BCR: variants seen among roughly 807,000 people sequenced by gnomAD.
The protein encoded by BCR is BCR activator of RhoGEF and GTPase.
In BCR, 58 loss-of-function variants were observed where a neutral mutation model predicts 138.6. The observed-to-expected ratio is 0.42, with a 90% CI of 0.34 to 0.52. The LOEUF is 0.52. BCR is among the 20% of genes least tolerant of loss of function. BCR has a pLI of 0.06. For synonymous variants in BCR, 786 were observed against 730.1 expected, an observed-to-expected ratio of 1.08 and a Z score of -1.23; for missense variants, 1,599 against 1,727.2, an observed-to-expected ratio of 0.93 and a Z score of 1.32.
Position 23,287,263 on chromosome 22 carries a change from C to A in BCR, c.2511C>A (p.His837Gln). ...CTCCCAGCATGGCCTTCAGGGTGCA[C>A]AGCCGCAACGGCAAGGTGAGCGCCT... ...LMSPSMAFRVHSRNGKSYTFL... is the reference protein window; with the variant it reads ...LMSPSMAFRVQSRNGKSYTFL... Residue 837 changes from histidine (H) to glutamine (Q), a missense_variant, in exon 11 of 23, where the codon CAC becomes CAA. His to Gln is a conservative substitution (Grantham distance 24). Transcript: ENST00000305877. 6.4e-7 allele frequency: 1 copy of A among 1,551,390 alleles called. No individual in the cohort carries two copies.
intron 16 of BCR, among the ~76,000 whole-genome samples, chr22:23,297,204 G>GTTTT (rs1568979500): frequency 8.1e-6 from 1 of 124,154 alleles, no homozygotes; most frequent in African/African-American, 3.5e-5. Context: ...GCCTGGCTAA[G>GTTTT]TTGTTTTTTG....
chr22:23,314,585 C>T lies in BCR; in HGVS notation c.3597C>T (p.Ser1199=), dbSNP rs143761574. 25 of 1,611,892 alleles carry T rather than the reference C, an allele frequency of 1.6e-5. No individual in the cohort carries two copies. The African/African-American group carries it at 3.2e-4, about 21-fold the overall frequency. The change falls in exon 22 of 23, where the codon TCC becomes TCT. Residue 1199 remains serine (S), a synonymous_variant. Transcript: ENST00000305877. ...AGAAGGAGGCAGTCAATAAGATGTC[C>T]CTGCACAACCTCGCCACGGTCTTTG... ...VAEKEAVNKM[S]LHNLATVFGP...
chr22:23,220,740 A>G (rs1378066888), intron 1 of BCR, among the ~76,000 whole-genome samples: 2 of 152,170 alleles, frequency 1.3e-5, no homozygotes, highest in Admixed American at 1.3e-4. Context: ...CTGGACCCGC[A>G]TTCCCATCTG....
At chr22:23,212,071 C>T (rs1211475982) in intron 1 of BCR, among the ~76,000 whole-genome samples, 2 of 152,178 alleles carry the variant, frequency 1.3e-5, no homozygotes, top group Non-Finnish European at 2.9e-5. Context: ...TGGGAAACTG[C>T]ACTCTCTGAC....
intron 5 of BCR, among the ~76,000 whole-genome samples, chr22:23,270,587 C>T (rs1313919935): frequency 6.6e-6 from 1 of 152,214 alleles, no homozygotes; most frequent in Admixed American, 6.5e-5. Context: ...GTTAAACTCT[C>T]AGGAAAGGTA....
intron 1 of BCR, among the ~76,000 whole-genome samples, chr22:23,187,252 C>CT (rs887923539): frequency 1.3e-4 from 17 of 128,620 alleles, no homozygotes; most frequent in South Asian, 2.6e-4. Context: ...TTCTGAGGAT[C>CT]TTTTTTTTTT....
At chr22:23,283,640 C>G (rs1259606431) in intron 8 of BCR, 2 of 225,236 alleles carry the variant, frequency 8.9e-6, no homozygotes, top group Admixed American at 1.2e-4. Flanking sequence ...ATCTTCACAG[C>G]AGACTGTTTG....
chr22:23,213,806 C>T (rs1433156105), intron 1 of BCR, among the ~76,000 whole-genome samples: 2 of 150,710 alleles, frequency 1.3e-5, no homozygotes, highest in Non-Finnish European at 2.9e-5. Flanking sequence ...GTACTTCAGC[C>T]TGGGCAACAG....
At chr22:23,200,500 A>G (rs766500545) in intron 1 of BCR, among the ~76,000 whole-genome samples, 3 of 151,694 alleles carry the variant, frequency 2.0e-5, no homozygotes, top group Non-Finnish European at 4.4e-5. Context: ...AATTTTTTGT[A>G]GAGACAAGGT....
intron 16 of BCR, among the ~76,000 whole-genome samples, chr22:23,296,259 A>G (rs1441134481): frequency 6.6e-6 from 1 of 151,826 alleles, no homozygotes; most frequent in Non-Finnish European, 1.5e-5. Flanking sequence ...CTGTAGTCCC[A>G]GCTACTCGGG....
chr22:23,181,911 C>T lies in BCR; in HGVS notation c.951C>T (p.Ser317=), dbSNP rs553497469. The T allele has an allele frequency of 1.4e-5, 23 of 1,613,534 alleles. No homozygotes were observed. The highest frequency in any genetic ancestry group is 1.7e-4 in the Middle Eastern group (1 of 6,060). ...TTACCTGGCCCCGCAGGTCCTACTC[C>T]CCCCGGAGTTTTGAGGATTGCGGAG... ...KRLTWPRRSY[S]PRSFEDCGGG... The change falls in exon 1 of 23, where the codon TCC becomes TCT. Residue 317 remains serine, a synonymous_variant. Transcript: ENST00000305877.
At chr22:23,261,577 T>C in intron 4 of BCR, 37 bp downstream of exon 4, 1 of 1,599,106 alleles carries the variant, frequency 6.3e-7, no homozygotes. Context: ...ACTACAGGCG[T>C]GTACCACCAC....
intron 16 of BCR, among the ~76,000 whole-genome samples, chr22:23,308,489 TA>T (rs2073972421): frequency 6.6e-6 from 1 of 152,062 alleles, no homozygotes; most frequent in African/African-American, 2.4e-5. Context: ...GTATTTTTAG[TA>T]GGGACAGGGT....
At position 23,285,152 on chromosome 22, in the gene BCR, C is replaced by G; in HGVS notation, c.2357C>G (p.Ala786Gly). The change falls in exon 10 of 23, where the codon GCT becomes GGT. Residue 786 changes from alanine to glycine, a missense_variant. Ala to Gly is a moderately conservative substitution (Grantham distance 60). Around this residue, in one of 4 missense-constraint regions of BCR, gnomAD observed 590 missense variants for 762.4 expected, o/e 0.77. Coordinates refer to ENST00000305877, the MANE Select transcript of BCR (RefSeq NM_004327.4). ...IPLVPDEELD[A>G]LKIKISQIKN... ...CTGGTGCCCGATGAGGAGCTGGACG[C>G]TTTGAAGATCAAGATCTCCCAGATC... 6.2e-7 allele frequency: 1 copy of G among 1,613,864 alleles called. No homozygotes were observed. The highest frequency in any genetic ancestry group is 8.5e-7 in the Non-Finnish European group (1 of 1,179,924).
In BCR at chr22:23,268,493, C is replaced by T. The variant is rs1421318938; in HGVS notation, c.1838C>T (p.Ala613Val). ...EMAEKCCQANAQFAEISENLR... is the reference protein window; with the variant it reads ...EMAEKCCQANVQFAEISENLR... ...GCTGAGAAGTGCTGTCAGGCCAATGCTCAGTTTGCAGAAATCTCCGAGGTA... is the reference window on the plus strand; with the variant it reads ...GCTGAGAAGTGCTGTCAGGCCAATGTTCAGTTTGCAGAAATCTCCGAGGTA... The change falls in exon 5 of 23, where the codon GCT becomes GTT. Residue 613 changes from alanine to valine, a missense_variant. Ala to Val is a moderately conservative substitution (Grantham distance 64, BLOSUM62 0). Transcript: ENST00000305877. 5.6e-6 allele frequency: 9 copies of T among 1,613,744 alleles called. No individual in the cohort carries two copies. The highest frequency in any genetic ancestry group is 7.6e-6 in the Non-Finnish European group (9 of 1,179,888).
At chr22:23,289,811 C>T in intron 13 of BCR, 190 bp downstream of exon 13, 3 of 601,928 alleles carry the variant, frequency 5.0e-6, no homozygotes, top group Non-Finnish European at 8.9e-6. Flanking sequence ...AGCAGTTTCT[C>T]CCTGAGTGGC....
At chr22:23,271,490 T>A in intron 5 of BCR, 42 bp from the exon 6 acceptor site, 1 of 1,601,968 alleles carries the variant, frequency 6.2e-7, no homozygotes, top group Non-Finnish European at 8.6e-7. Flanking sequence ...TCATCAAAGC[T>A]GCTTCTGTCA....
chr22:23,292,242 C>T (rs2073796238), intron 14 of BCR, among the ~76,000 whole-genome samples: 1 of 152,140 alleles, frequency 6.6e-6, no homozygotes, highest in African/African-American at 2.4e-5. Flanking sequence ...AGTGCAGGGC[C>T]CTTCTCATCG....
intron 1 of BCR, among the ~76,000 whole-genome samples, chr22:23,200,645 C>T (rs2072542373): frequency 1.3e-5 from 2 of 152,144 alleles, no homozygotes; most frequent in Non-Finnish European, 2.9e-5. Context: ...GCAGCCTTGA[C>T]CTCTCCAGGC....
Sources: gnomAD v4.1 joint callset for allele counts (sites outside exome capture counted in the v4.1 genomes callset) on GRCh38, gnomAD v4.1.1 for gene constraint, gnomAD v4.1.1 regional missense constraint, MANE v1.5 for transcripts, NCBI Gene and HGNC (gene_info 2026-07-23, HGNC 2026-07-21) for gene names.